ZNF154: variants seen among roughly 807,000 people sequenced by gnomAD.
ZNF154 encodes the protein zinc finger protein 154.
Under a neutral mutation model 7.5 loss-of-function variants are expected in ZNF154, and 6 were observed. The observed-to-expected ratio is 0.80, with a 90% CI of 0.44 to 1.57. The LOEUF (loss-of-function observed/expected upper bound fraction) is 1.57. Ranked by LOEUF, ZNF154 falls within the 40% of genes most tolerant of loss-of-function variation. The pLI is 0.01. For missense variants in ZNF154, 485 were observed against 531.4 expected (o/e 0.91, Z 0.86); for synonymous variants, 187 against 185.9 (o/e 1.01, Z -0.05).
In ZNF154 at chr19:57,701,211, A is replaced by G. The variant is rs568377093; in HGVS notation, c.*424T>C. On this transcript the variant is annotated 3_prime_UTR_variant, in exon 3 of 3. Transcript: ENST00000684351. ...CTTAGGCTATTTACAAATTCCTCCC[A>G]TGAACAGAACACCAAGGTTCACTTA... 5.7e-6 allele frequency: 1 copy of G among 175,490 alleles called. No individual in the cohort carries two copies. The highest frequency in any genetic ancestry group is 1.4e-4 in the South Asian group (1 of 7,288). 10.9% of individuals were successfully genotyped at this position (175,490 alleles called of 1,614,324 possible). A position where few individuals can be genotyped will look rare whatever the true frequency, so the allele number is the denominator to read the frequency against.
In ZNF154 at chr19:57,701,470, A is replaced by C. The variant is rs1258840741; in HGVS notation, c.*165T>G. On this transcript the variant is annotated 3_prime_UTR_variant, in exon 3 of 3. Coordinates refer to ENST00000684351, the MANE Select transcript of ZNF154 (RefSeq NM_001085384.3). ...ATAAGGGATCTCCTTCAGAGCTGTT[A>C]TATCAACTGGACATCCCTACATATC... 8 of 721,118 alleles carry C rather than the reference A, an allele frequency of 1.1e-5. No individual in the cohort carries two copies. Among genetic ancestry groups the C allele is most frequent in the Non-Finnish European group, 1.8e-5 (8 of 447,478 alleles). 44.7% of individuals were successfully genotyped at this position (721,118 alleles called of 1,614,324 possible).
chr19:57,701,589 C>T lies in ZNF154; in HGVS notation c.*46G>A, dbSNP rs1450643186. The stretch of plus-strand genomic sequence containing the variant: ...CATTCACTGTGTACTCAAGGACTTT[C>T]TCCAGGGTGCTAACAGATTTTCCAC... On this transcript the variant is annotated 3_prime_UTR_variant, in exon 3 of 3. Transcript: ENST00000684351. 1 of 1,578,882 alleles carries T rather than the reference C, an allele frequency of 6.3e-7. No individual in the cohort carries two copies. The highest frequency in any genetic ancestry group is 8.6e-7 in the Non-Finnish European group (1 of 1,159,850).
rs891766705 is a variant in ZNF154 at position 57,697,619 on chromosome 19, C to A, written c.*4016G>T. 1 of 151,956 alleles carries A rather than the reference C, an allele frequency of 6.6e-6. No individual in the cohort carries two copies. Among genetic ancestry groups the A allele is most frequent in the African/African-American group, 2.4e-5 (1 of 41,358 alleles). 9.4% of individuals were successfully genotyped at this position (151,956 alleles called of 1,614,324 possible). The stretch of plus-strand genomic sequence containing the variant: ...GATTTTTTGGGGGGTTATAAAAGAG[C>A]CTTTACATTTTAAAATTGCATTCTG... On this transcript the variant is annotated 3_prime_UTR_variant, in exon 3 of 3. Coordinates refer to ENST00000684351, the MANE Select transcript of ZNF154 (RefSeq NM_001085384.3).
intron 1 of ZNF154, among the ~76,000 whole-genome samples, chr19:57,708,165 C>T (rs1031356909): frequency 2.0e-5 from 3 of 152,194 alleles, no homozygotes; most frequent in African/African-American, 7.2e-5. Flanking sequence ...GTGCTGTCAC[C>T]TCTTGCCAAC....
In ZNF154 at chr19:57,702,548, T is replaced by C; in HGVS notation, c.401A>G (p.Asn134Ser). ...GAATGCTTTTGTGTGTTCTCCACAG[T>C]TGTAATGAGTTTTTCCTCTGTGACT... ...AISHRGKTHY[N>S]CGEHTKAFSG... The change falls in exon 3 of 3, where the codon AAC (asparagine) becomes AGC (serine). Residue 134 changes from asparagine (N) to serine (S), a missense_variant. By Grantham distance (46) the Asn-to-Ser change is conservative. Coordinates refer to ENST00000684351, the MANE Select transcript of ZNF154 (RefSeq NM_001085384.3). 2 of 1,614,194 alleles carry C rather than the reference T, an allele frequency of 1.2e-6. No individual in the cohort carries two copies. Among genetic ancestry groups the C allele is most frequent in the Non-Finnish European group, 1.7e-6 (2 of 1,180,020 alleles).
chr19:57,707,117 A>AAAAAAAAAAAAAT (rs2122415524), intron 1 of ZNF154, among the ~76,000 whole-genome samples: 1 of 148,572 alleles, frequency 6.7e-6, no homozygotes, highest in African/African-American at 2.5e-5. Context: ...CCATCTCAAA[A>AAAAAAAAAAAAAT]AAAAAAAAAA....
At position 57,701,441 on chromosome 19, in the gene ZNF154, C is replaced by T; in HGVS notation, c.*194G>A. On this transcript the variant is annotated 3_prime_UTR_variant, in exon 3 of 3. Coordinates refer to ENST00000684351, the MANE Select transcript of ZNF154 (RefSeq NM_001085384.3). ...GATGTTCAATTCAGGCTGATGCCAC[C>T]CTCATAAGGGATCTCCTTCAGAGCT... The T allele has an allele frequency of 3.2e-6, 2 of 625,024 alleles. No individual in the cohort carries two copies. The highest frequency in any genetic ancestry group is 5.5e-6 in the Non-Finnish European group (2 of 364,654). 38.7% of individuals were successfully genotyped at this position (625,024 alleles called of 1,614,324 possible).
At position 57,701,577 on chromosome 19, in the gene ZNF154, C is replaced by T; in HGVS notation, c.*58G>A. 1 of 1,553,558 alleles carries T rather than the reference C, an allele frequency of 6.4e-7. No homozygotes were observed. The highest frequency in any genetic ancestry group is 8.7e-7 in the Non-Finnish European group (1 of 1,142,952). ...GAAGCTTTCTGACATTCACTGTGTA[C>T]TCAAGGACTTTCTCCAGGGTGCTAA... On this transcript the variant is annotated 3_prime_UTR_variant, in exon 3 of 3. Coordinates refer to ENST00000684351, the MANE Select transcript of ZNF154 (RefSeq NM_001085384.3).
In ZNF154 at chr19:57,697,251, A is replaced by G. The variant is rs552023544; in HGVS notation, c.*4384T>C. On this transcript the variant is annotated 3_prime_UTR_variant, in exon 3 of 3. Coordinates refer to ENST00000684351, the MANE Select transcript of ZNF154 (RefSeq NM_001085384.3). ...TTTCTGGGTTGGGAGAAGGTTTTGT[A>G]TTTATTTCACTGTTGCCATCACACA... 5.3e-5 allele frequency: 8 copies of G among 152,266 alleles called. No homozygotes were observed. Among genetic ancestry groups the G allele is most frequent in the Admixed American group, 3.3e-4 (5 of 15,288 alleles). 9.4% of individuals were successfully genotyped at this position (152,266 alleles called of 1,614,324 possible).
In ZNF154 at chr19:57,702,733, G is replaced by A; in HGVS notation, c.216C>T (p.Gly72=). ...LGEKHFRSNV[G]RALFVKTCTF... is the part of the protein sequence containing the mutation. The stretch of plus-strand genomic sequence containing the variant: ...TGCAGGTCTTCACAAACAAGGCTCT[G>A]CCCACATTGCTTCTGAAATGTTTTT... Residue 72 remains glycine, a synonymous_variant, in exon 3 of 3, where the codon GGC becomes GGT. Coordinates refer to ENST00000684351, the MANE Select transcript of ZNF154 (RefSeq NM_001085384.3). 6.2e-7 allele frequency: 1 copy of A among 1,605,708 alleles called. No individual in the cohort carries two copies. The highest frequency in any genetic ancestry group is 8.5e-7 in the Non-Finnish European group (1 of 1,173,216).
At position 57,697,151 on chromosome 19, in the gene ZNF154, T is replaced by C. The variant is rs1984927732; in HGVS notation, c.*4484A>G. Among the ~76,000 whole-genome samples, 1 of 152,236 alleles carries C rather than the reference T, an allele frequency of 6.6e-6. No homozygotes were observed. The highest frequency in any genetic ancestry group is 2.4e-5 in the African/African-American group (1 of 41,462). Reference sequence around the variant, plus strand: ...TCTTACCTTGCAATTTCTTAGTGGATTGTCTGTGATGTGCATCACATTCTG... The same window carrying C: ...TCTTACCTTGCAATTTCTTAGTGGACTGTCTGTGATGTGCATCACATTCTG... On this transcript the variant is annotated 3_prime_UTR_variant, in exon 3 of 3. Coordinates refer to ENST00000684351, the MANE Select transcript of ZNF154 (RefSeq NM_001085384.3).
In ZNF154 at chr19:57,708,182, G is replaced by C. The variant is rs765960567; in HGVS notation, c.33+757C>G. Among the ~76,000 whole-genome samples the C allele has an allele frequency of 4.5e-4, 69 of 152,196 alleles. 1 individual carries two copies. Among genetic ancestry groups the C allele is most frequent in the Middle Eastern group, 3.4e-3 (1 of 294 alleles). ...GCTGTCACCTCTTGCCAACTGTAGG[G>C]CAATGAAAAAAAGATGTAGCCTCCC... On this transcript the variant is annotated intron_variant, in intron 1 of 2. Transcript: ENST00000684351.
rs563693561 is a variant in ZNF154 at position 57,697,037 on chromosome 19, A to G, written c.*4598T>C. Among the ~76,000 whole-genome samples the G allele has an allele frequency of 6.6e-6, 1 of 152,308 alleles. No individual in the cohort carries two copies. Among genetic ancestry groups the G allele is most frequent in the East Asian group, 1.9e-4 (1 of 5,188 alleles). The stretch of plus-strand genomic sequence containing the variant: ...TATGTGTGACAAATGGTGCTGTCAA[A>G]TTCGTATTTGAGGACTTGTTGTTGT... On this transcript the variant is annotated 3_prime_UTR_variant, in exon 3 of 3. Transcript: ENST00000684351.
chr19:57,698,595 T>C lies in ZNF154; in HGVS notation c.*3040A>G, dbSNP rs1022136559. 3 of 152,226 alleles carry C rather than the reference T, an allele frequency of 2.0e-5. No homozygotes were observed. The highest frequency in any genetic ancestry group is 4.8e-5 in the African/African-American group (2 of 41,466). 9.4% of individuals were successfully genotyped at this position (152,226 alleles called of 1,614,324 possible). A position where few individuals can be genotyped will look rare whatever the true frequency, so the allele number is the denominator to read the frequency against. ...TTTAAATATGTACCATTTATTCTTA[T>C]TAAAATTATTATCAGGTTAGTGCAA... On this transcript the variant is annotated 3_prime_UTR_variant, in exon 3 of 3. Coordinates refer to ENST00000684351, the MANE Select transcript of ZNF154 (RefSeq NM_001085384.3).
intron 2 of ZNF154, among the ~76,000 whole-genome samples, chr19:57,703,484 CAAAAAAA>C (rs3062223): frequency 2.7e-5 from 2 of 75,134 alleles, no homozygotes; most frequent in African/African-American, 5.7e-5. Flanking sequence ...GACTCCGTCT[CAAAAAAA>C]AAAAAAAAAA....
chr19:57,704,918 T>C lies in ZNF154; in HGVS notation c.95A>G (p.Asp32Gly). ...ACGGTACAGGCATCTTTGAGCCTCA[T>C]CAAGGAGACCCCATTCCTCCCAGGA... Reference protein sequence around the residue: ...HFSWEEWGLLDEAQRCLYRDV... With the variant: ...HFSWEEWGLLGEAQRCLYRDV... The change falls in exon 2 of 3, where the codon GAT becomes GGT. Residue 32 changes from aspartate (D) to glycine (G), a missense_variant. Coordinates refer to ENST00000684351, the MANE Select transcript of ZNF154 (RefSeq NM_001085384.3). 1 of 1,613,856 alleles carries C rather than the reference T, an allele frequency of 6.2e-7. No homozygotes were observed.
rs544751825 is a variant in ZNF154 at position 57,702,381 on chromosome 19, C to A, written c.568G>T (p.Glu190Ter). The A allele has an allele frequency of 4.7e-4, 763 of 1,612,782 alleles. 7 individuals are homozygous for A. In the South Asian group the frequency reaches 7.6e-3, roughly 16 times the overall value. ...WRLHTGEKPYECRECGKSFRQ... is the reference protein window; with the variant it reads ...WRLHTGEKPY ...AAGGACTTCCCACACTCTCGACATT[C>A]ATAAGGCTTTTCTCCAGTGTGAAGT... is the stretch of plus-strand genomic sequence containing the variant. Residue 190 changes from glutamate to a stop codon, truncating the protein, a stop_gained, in exon 3 of 3, where the codon GAA becomes TAA. Coordinates refer to ENST00000684351, the MANE Select transcript of ZNF154 (RefSeq NM_001085384.3). LOFTEE classifies it low-confidence loss of function (END_TRUNC).
At chr19:57,704,317 A>G (rs1179338161) in intron 2 of ZNF154, among the ~76,000 whole-genome samples, 1 of 152,190 alleles carries the variant, frequency 6.6e-6, no homozygotes, top group Non-Finnish European at 1.5e-5. Context: ...AAGGGAAGAA[A>G]GAACAGAAGA....
At chr19:57,706,192 C>T (rs926008089) in intron 1 of ZNF154, among the ~76,000 whole-genome samples, 1 of 152,156 alleles carries the variant, frequency 6.6e-6, no homozygotes, top group East Asian at 1.9e-4. Flanking sequence ...CAGATTCAAA[C>T]GGATCTAATA....
Sources: gnomAD v4.1 joint callset for allele counts (sites outside exome capture counted in the v4.1 genomes callset) on GRCh38, gnomAD v4.1.1 for gene constraint, MANE v1.5 for transcripts, NCBI Gene and HGNC (gene_info 2026-07-23, HGNC 2026-07-21) for gene names.